MTPN: variants seen among roughly 807,000 people sequenced by gnomAD.
The protein encoded by MTPN is granule cell differentiation protein.
Under a neutral mutation model 13.5 loss-of-function variants are expected in MTPN, and 2 were observed. That is an observed-to-expected ratio of 0.15 (90% CI 0.06 to 0.47). The LOEUF (loss-of-function observed/expected upper bound fraction) is 0.47, where lower values mean the gene tolerates loss of function less well. Ranked by LOEUF, MTPN falls within the 20% of genes least tolerant of loss-of-function variation. The pLI is 0.97. For missense variants in MTPN, 79 were observed against 137.9 expected (o/e 0.57, Z 2.14); for synonymous variants, 46 against 51.7 (o/e 0.89, Z 0.48).
At position 135,928,298 on chromosome 7, in the gene MTPN, ACACACACCCACACACACCTATACACC is replaced by A. The variant is rs1478092407; in HGVS notation, c.*1602_*1627del. On this transcript the variant is annotated 3_prime_UTR_variant, in exon 4 of 4. Coordinates refer to ENST00000393085, the MANE Select transcript of MTPN (RefSeq NM_145808.4). ...AAAGGACTCATGGGGAAAAATACAC[ACACACACCCACACACACCTATACACC>A]CACACACCCACATGCCAACCAACCA... 65 of 165,984 alleles carry A rather than the reference ACACACACCCACACACACCTATACACC, an allele frequency of 3.9e-4. No homozygotes were observed. The highest frequency in any genetic ancestry group is 1.5e-3 in the African/African-American group (60 of 40,384). 10.3% of individuals were successfully genotyped at this position (165,984 alleles called of 1,614,324 possible).
intron 3 of MTPN, among the ~76,000 whole-genome samples, chr7:135,944,264 G>A (rs1799255232): frequency 6.6e-6 from 1 of 152,032 alleles, no homozygotes; most frequent in South Asian, 2.1e-4. Context: ...TAGGAATACT[G>A]AACTTCTTAA....
chr7:135,958,234 T>C (rs1380674411), intron 1 of MTPN, among the ~76,000 whole-genome samples: 1 of 152,194 alleles, frequency 6.6e-6, no homozygotes, highest in Non-Finnish European at 1.5e-5. Flanking sequence ...AAAAACTTCA[T>C]TAAAGAAAGG....
chr7:135,945,931 T>C (rs1799281805), intron 3 of MTPN, among the ~76,000 whole-genome samples: 1 of 152,194 alleles, frequency 6.6e-6, no homozygotes, highest in South Asian at 2.1e-4. Flanking sequence ...ATACCTATGA[T>C]AAAGTTTAAT....
intron 1 of MTPN, among the ~76,000 whole-genome samples, chr7:135,952,621 C>T (rs1799379894): frequency 1.3e-5 from 2 of 152,128 alleles, no homozygotes; most frequent in Non-Finnish European, 2.9e-5. Context: ...CGCTATTTGC[C>T]CCTTCCCTCT....
intron 3 of MTPN, among the ~76,000 whole-genome samples, chr7:135,947,674 T>C (rs1314041981): frequency 2.6e-5 from 4 of 152,142 alleles, no homozygotes; most frequent in Non-Finnish European, 5.9e-5. Context: ...TTTCAAGTAA[T>C]AGTAAGAACA....
rs115166958 is a variant in MTPN, at chr7:135,942,367, T to C, written c.270+8232A>G. Among the ~76,000 whole-genome samples, 936 of 152,304 alleles carry C rather than the reference T, an allele frequency of 6.1e-3. 14 individuals are homozygous for C. Among genetic ancestry groups the C allele is most frequent in the African/African-American group, 0.021 (865 of 41,560 alleles). Reference sequence around the variant, plus strand: ...TAAAGTCTTTGTACTTGCTGAGAACTCATGATGTGCTCGGCATTTCAGCGA... The same window carrying C: ...TAAAGTCTTTGTACTTGCTGAGAACCCATGATGTGCTCGGCATTTCAGCGA... On this transcript the variant is annotated intron_variant, in intron 3 of 3. Coordinates refer to ENST00000393085, the MANE Select transcript of MTPN (RefSeq NM_145808.4).
chr7:135,959,318 A>G (rs1799489337), intron 1 of MTPN, among the ~76,000 whole-genome samples: 1 of 152,136 alleles, frequency 6.6e-6, no homozygotes, highest in African/African-American at 2.4e-5. Context: ...TCCTAAGCAC[A>G]CATTTTTCTG....
intron 1 of MTPN, 75 bp downstream of exon 1, chr7:135,976,954 A>G: frequency 2.3e-6 from 1 of 437,276 alleles, no homozygotes; most frequent in Non-Finnish European, 4.3e-6. Flanking sequence ...CCCGCAGTCC[A>G]GCTCCCATCA....
In MTPN at chr7:135,947,168, A is replaced by G. The variant is rs1220383470; in HGVS notation, c.270+3431T>C. ...AATTCACACTAACTTCTTACTTATC[A>G]TTCCCCTTCTTGCATCTCAGTCTTT... On this transcript the variant is annotated intron_variant, in intron 3 of 3. Transcript: ENST00000393085. Among the ~76,000 whole-genome samples, 5 of 152,102 alleles carry G rather than the reference A, an allele frequency of 3.3e-5. No individual in the cohort carries two copies. The East Asian group carries it at 5.8e-4, about 18-fold the overall frequency.
chr7:135,943,321 C>T (rs548828282), intron 3 of MTPN, among the ~76,000 whole-genome samples: 3 of 152,332 alleles, frequency 2.0e-5, no homozygotes, highest in Middle Eastern at 3.4e-3. Flanking sequence ...GGCTAACTTT[C>T]AGCCCTTATA....
chr7:135,976,932 C>A, intron 1 of MTPN, 97 bp downstream of exon 1: 1 of 563,754 alleles, frequency 1.8e-6, no homozygotes. Context: ...TCTCCTCCCG[C>A]CCACCCCCAT....
At chr7:135,969,793 T>C (rs780522861) in intron 1 of MTPN, among the ~76,000 whole-genome samples, 1 of 152,038 alleles carries the variant, frequency 6.6e-6, no homozygotes, top group Middle Eastern at 3.2e-3. Context: ...TTGCAAAACA[T>C]GATAAAAAAC....
At chr7:135,938,692 A>C (rs1799153883) in intron 3 of MTPN, among the ~76,000 whole-genome samples, 2 of 152,232 alleles carry the variant, frequency 1.3e-5, no homozygotes, top group African/African-American at 4.8e-5. Context: ...TCAGAAACAG[A>C]AAACAGAAAG....
At chr7:135,949,027 A>G (rs1413274744) in intron 3 of MTPN, among the ~76,000 whole-genome samples, 1 of 152,196 alleles carries the variant, frequency 6.6e-6, no homozygotes, top group African/African-American at 2.4e-5. Flanking sequence ...ATGCTGAGGA[A>G]GAGACCTGGG....
At chr7:135,941,881 CTTTT>C (rs564045963) in intron 3 of MTPN, among the ~76,000 whole-genome samples, 19 of 136,166 alleles carry the variant, frequency 1.4e-4, no homozygotes, top group Non-Finnish European at 2.7e-4. Flanking sequence ...TGTTATATTA[CTTTT>C]TTTTTTTTTT....
chr7:135,937,370 TAC>T (rs35704525), intron 3 of MTPN, among the ~76,000 whole-genome samples: 1,568 of 143,982 alleles, frequency 0.011, 7 homozygotes, highest in African/African-American at 0.023. Context: ...GCTAACTGGA[TAC>T]ACACACACAC....
intron 1 of MTPN, among the ~76,000 whole-genome samples, chr7:135,955,209 T>A (rs1799424056): frequency 6.6e-6 from 1 of 152,024 alleles, no homozygotes; most frequent in African/African-American, 2.4e-5. Context: ...TAGAAAGATT[T>A]CAAATGAATA....
intron 1 of MTPN, among the ~76,000 whole-genome samples, chr7:135,972,245 A>G (rs1280675457): frequency 1.5e-5 from 2 of 134,142 alleles, no homozygotes; most frequent in Non-Finnish European, 3.3e-5. Context: ...ACACACACAC[A>G]CACACACACA....
intron 3 of MTPN, among the ~76,000 whole-genome samples, chr7:135,945,655 C>G (rs182282594): frequency 4.5e-4 from 69 of 152,186 alleles, no homozygotes; most frequent in Admixed American, 1.4e-3. Context: ...GATAAAAATG[C>G]CTTTTTCTAG....
Sources: gnomAD v4.1 joint callset for allele counts (sites outside exome capture counted in the v4.1 genomes callset) on GRCh38, gnomAD v4.1.1 for gene constraint, MANE v1.5 for transcripts, NCBI Gene and HGNC (gene_info 2026-07-23, HGNC 2026-07-21) for gene names.